TMEM178B: variants seen among roughly 807,000 people sequenced by gnomAD.
The protein encoded by TMEM178B is transmembrane protein 178B.
A neutral mutation model predicts 31.0 loss-of-function variants in TMEM178B; 5 were observed. That is an observed-to-expected ratio of 0.16 (90% CI 0.08 to 0.34). The LOEUF (loss-of-function observed/expected upper bound fraction) is 0.34, where lower values mean the gene tolerates loss of function less well. Ranked by LOEUF, TMEM178B falls within the 10% of genes least tolerant of loss-of-function variation. The probability of loss-of-function intolerance (pLI) is 1.00; values close to 1 mark genes in which losing one functional copy is unlikely to be tolerated. For missense variants in TMEM178B, 275 were observed against 400.3 expected (o/e 0.69, Z 2.67); for synonymous variants, 164 against 164.0 (o/e 1.00, Z 0.00).
At chr7:141,177,072 C>T (rs1459354588) in intron 1 of TMEM178B, among the ~76,000 whole-genome samples, 4 of 152,126 alleles carry the variant, frequency 2.6e-5, no homozygotes, top group Non-Finnish European at 5.9e-5. Flanking sequence ...TTCTTGCTTT[C>T]TCTTGTGGGC....
chr7:141,204,310 C>A (rs1796927739), intron 1 of TMEM178B, among the ~76,000 whole-genome samples: 1 of 152,208 alleles, frequency 6.6e-6, no homozygotes, highest in Non-Finnish European at 1.5e-5. Context: ...CATAATTACT[C>A]TCCCAAAGGA....
intron 2 of TMEM178B, among the ~76,000 whole-genome samples, chr7:141,278,327 G>T (rs1474971676): frequency 6.6e-6 from 1 of 152,180 alleles, no homozygotes; most frequent in Non-Finnish European, 1.5e-5. Context: ...CGCACCTGTA[G>T]TCCCAACACT....
At chr7:141,151,125 A>G (rs1563101003) in intron 1 of TMEM178B, among the ~76,000 whole-genome samples, 1 of 152,180 alleles carries the variant, frequency 6.6e-6, no homozygotes, top group African/African-American at 2.4e-5. Flanking sequence ...GACACAGAGG[A>G]AAATGGGACG....
At chr7:141,118,402 CTG>C (rs1795354831) in intron 1 of TMEM178B, among the ~76,000 whole-genome samples, 1 of 152,332 alleles carries the variant, frequency 6.6e-6, no homozygotes, top group South Asian at 2.1e-4. Context: ...TACTTAAACT[CTG>C]TGCCTCTGTC....
At chr7:141,406,600 C>T (rs1800890376) in intron 2 of TMEM178B, among the ~76,000 whole-genome samples, 1 of 152,210 alleles carries the variant, frequency 6.6e-6, no homozygotes, top group Non-Finnish European at 1.5e-5. Context: ...ACCATATTTC[C>T]ATAATTGTGA....
At chr7:141,097,429 A>G (rs1794981440) in intron 1 of TMEM178B, among the ~76,000 whole-genome samples, 1 of 151,522 alleles carries the variant, frequency 6.6e-6, no homozygotes, top group Non-Finnish European at 1.5e-5. Context: ...AACACAATAC[A>G]TGTTATAGTA....
chr7:141,318,553 A>G lies in TMEM178B; in HGVS notation c.496+105849A>G, dbSNP rs1799044946. Among the ~76,000 whole-genome samples, 1 of 152,230 alleles carries G rather than the reference A, an allele frequency of 6.6e-6. No homozygotes were observed. The highest frequency in any genetic ancestry group is 2.4e-5 in the African/African-American group (1 of 41,470). ...CCATTTGTCACTCAATGAGAAATAA[A>G]GATGTATTGGAGACTAAAATATTCC... is the stretch of plus-strand genomic sequence containing the variant. On this transcript the variant is annotated intron_variant, in intron 2 of 3. Transcript: ENST00000565468. This position sits in a 1 kb window ranked among gnomAD's most constrained non-coding sequence, Gnocchi z 4.1.
the TMEM178B span, among the ~76,000 whole-genome samples, chr7:141,492,943 A>T: frequency 6.6e-6 from 1 of 152,318 alleles, no homozygotes; most frequent in South Asian, 2.1e-4. Flanking sequence ...GTGATCTTAG[A>T]GGATTATTAA....
chr7:141,207,033 G>A (rs1796978205), intron 1 of TMEM178B, among the ~76,000 whole-genome samples: 1 of 152,170 alleles, frequency 6.6e-6, no homozygotes, highest in Non-Finnish European at 1.5e-5. Flanking sequence ...GAATCATGCA[G>A]TATTTGCCCT....
At chr7:141,208,837 A>T (rs1312102337) in intron 1 of TMEM178B, among the ~76,000 whole-genome samples, 1 of 152,246 alleles carries the variant, frequency 6.6e-6, no homozygotes, top group African/African-American at 2.4e-5. Flanking sequence ...GAGCTAAGAA[A>T]TCAGGTACTT....
chr7:141,091,556 A>G (rs986154097), intron 1 of TMEM178B, among the ~76,000 whole-genome samples: 1 of 152,140 alleles, frequency 6.6e-6, no homozygotes, highest in African/African-American at 2.4e-5. Context: ...GTAGATCAAT[A>G]AGCTGCTAAA....
chr7:141,333,863 G>A (rs1799337639), intron 2 of TMEM178B, among the ~76,000 whole-genome samples: 1 of 152,192 alleles, frequency 6.6e-6, no homozygotes, highest in African/African-American at 2.4e-5. Flanking sequence ...TTCCATGTGC[G>A]GTTCACAATA....
chr7:141,251,731 A>G (rs1797837108), intron 2 of TMEM178B, among the ~76,000 whole-genome samples: 1 of 152,080 alleles, frequency 6.6e-6, no homozygotes, highest in Non-Finnish European at 1.5e-5. Context: ...GTGTGCCCCA[A>G]CCCACGGTCC....
At chr7:141,413,737 C>T (rs370712393) in intron 2 of TMEM178B, among the ~76,000 whole-genome samples, 2 of 152,196 alleles carry the variant, frequency 1.3e-5, no homozygotes, top group African/African-American at 4.8e-5. Flanking sequence ...CTTCCTTTAT[C>T]CTTATATTCC....
chr7:141,089,252 G>T (rs1033996434), intron 1 of TMEM178B, among the ~76,000 whole-genome samples: 2 of 152,204 alleles, frequency 1.3e-5, no homozygotes, highest in African/African-American at 4.8e-5. Flanking sequence ...CAGCAAGACT[G>T]GGAGGAAGGG....
At chr7:141,495,658 A>G in the TMEM178B span, among the ~76,000 whole-genome samples, 1 of 152,246 alleles carries the variant, frequency 6.6e-6, no homozygotes, top group Non-Finnish European at 1.5e-5. Flanking sequence ...TATAGCAAAC[A>G]TCATAAACAA....
chr7:141,130,523 T>A (rs1333754138), intron 1 of TMEM178B, among the ~76,000 whole-genome samples: 1 of 152,240 alleles, frequency 6.6e-6, no homozygotes, highest in Non-Finnish European at 1.5e-5. Flanking sequence ...TTGTTCTTTT[T>A]ATTGCAAGGA....
rs1563182808 is a variant in TMEM178B, at chr7:141,438,694, ACT to A, written c.634+950_634+951del. Among the ~76,000 whole-genome samples the A allele has an allele frequency of 1.1e-3, 103 of 96,942 alleles. 2 individuals are homozygous for A. The highest frequency in any genetic ancestry group is 4.8e-3 in the African/African-American group (100 of 20,828). 63.6% of individuals were successfully genotyped at this position (96,942 alleles called of 152,430 possible). On this transcript the variant is annotated intron_variant, in intron 3 of 3. Transcript: ENST00000565468. ...GCCAGCTTGGTAAAACCCCGTCTCT[ACT>A]AAAAAAAAAAAAAAAAAAAAAAAAA...
At chr7:141,134,310 A>G (rs1200745432) in intron 1 of TMEM178B, among the ~76,000 whole-genome samples, 3 of 152,196 alleles carry the variant, frequency 2.0e-5, no homozygotes. Context: ...GGGGAAAAAA[A>G]AGAAAAGCCA....
Sources: gnomAD v4.1 joint callset for allele counts (sites outside exome capture counted in the v4.1 genomes callset) on GRCh38, gnomAD v4.1.1 for gene constraint, Gnocchi (gnomAD v3.1) non-coding constraint, MANE v1.5 for transcripts, NCBI Gene and HGNC (gene_info 2026-07-23, HGNC 2026-07-21) for gene names.